POLR2M: variants seen among roughly 807,000 people sequenced by gnomAD.
POLR2M encodes the protein RNA polymerase II subunit M.
POLR2M carries 30 observed loss-of-function variants against 34.6 expected under a neutral mutation model. The ratio of observed to expected loss-of-function variants is 0.87; its 90% CI spans 0.65 to 1.18. POLR2M has a LOEUF of 1.18. Ranked by LOEUF, POLR2M falls within the 50% of genes most tolerant of loss-of-function variation. The probability of loss-of-function intolerance (pLI) is 0.00; values close to 1 mark genes in which losing one functional copy is unlikely to be tolerated. For synonymous variants in POLR2M, 150 were observed against 166.7 expected, an observed-to-expected ratio of 0.90 and a Z score of 0.77; for missense variants, 432 against 448.7, an observed-to-expected ratio of 0.96 and a Z score of 0.34.
chr15:57,711,865 C>A, intron 2 of POLR2M, 119 bp from the exon 3 acceptor site: 1 of 1,199,654 alleles, frequency 8.3e-7, no homozygotes, highest in Non-Finnish European at 1.2e-6. Flanking sequence ...TGGTAAATTA[C>A]TTACTGTTAC....
chr15:57,714,520 G>C lies in POLR2M; in HGVS notation c.964-16G>C, dbSNP rs866846327. The C allele has an allele frequency of 6.2e-7, 1 of 1,612,080 alleles. No homozygotes were observed. Among genetic ancestry groups the C allele is most frequent in the African/African-American group, 1.3e-5 (1 of 74,664 alleles). On this transcript the variant is annotated splice_polypyrimidine_tract_variant and intron_variant, in intron 3 of 3. Coordinates refer to ENST00000299638, the MANE Select transcript of POLR2M (RefSeq NM_015532.5). Reference sequence around the variant, plus strand: ...ATGTGAACGTGTAACTTTGTGCTTTGCTCTTTGTTTTAAAGGAGATGCAAG... The same window carrying C: ...ATGTGAACGTGTAACTTTGTGCTTTCCTCTTTGTTTTAAAGGAGATGCAAG...
At position 57,715,922 on chromosome 15, in the gene POLR2M, C is replaced by A. The variant is rs1328780038; in HGVS notation, c.*1243C>A. The A allele has an allele frequency of 6.6e-6, 1 of 152,272 alleles. No homozygotes were observed. Among genetic ancestry groups the A allele is most frequent in the African/African-American group, 2.4e-5 (1 of 41,470 alleles). The allele number at this position is 152,272 out of a possible 1,614,324, so 9.4% of individuals were successfully genotyped here. ...ATTATTGCTTTCATTCCTTACCCCC[C>A]TCAAGCAAATGTGAAAAGTATACTG... On this transcript the variant is annotated 3_prime_UTR_variant, in exon 4 of 4. Coordinates refer to ENST00000299638, the MANE Select transcript of POLR2M (RefSeq NM_015532.5).
Position 57,714,630 on chromosome 15 carries a change from A to G in POLR2M, c.1058A>G (p.Tyr353Cys), listed in dbSNP as rs1462703569. 6.2e-7 allele frequency: 1 copy of G among 1,612,730 alleles called. No individual in the cohort carries two copies. The highest frequency in any genetic ancestry group is 8.5e-7 in the Non-Finnish European group (1 of 1,179,826). The change falls in exon 4 of 4, where the codon TAC (tyrosine) becomes TGC (cysteine). Residue 353 changes from tyrosine to cysteine, a missense_variant. Tyr to Cys is a radical substitution (Grantham distance 194). Coordinates refer to ENST00000299638, the MANE Select transcript of POLR2M (RefSeq NM_015532.5). The stretch of plus-strand genomic sequence containing the variant: ...CCAGAAGGGGAGTCTTCAGGGAGAT[A>G]CCGAGAAGTAAGGGATGAAGATGAC... Reference protein sequence around the residue: ...YNPEGESSGRYREVRDEDDDW... With the variant: ...YNPEGESSGRCREVRDEDDDW...
chr15:57,708,794 G>A lies in POLR2M; in HGVS notation c.194G>A (p.Cys65Tyr). 1 of 1,613,352 alleles carries A rather than the reference G, an allele frequency of 6.2e-7. No homozygotes were observed. The highest frequency in any genetic ancestry group is 8.5e-7 in the Non-Finnish European group (1 of 1,179,710). Residue 65 changes from cysteine (C) to tyrosine (Y), a missense_variant, in exon 2 of 4, where the codon TGT (cysteine) becomes TAT (tyrosine). Transcript: ENST00000299638. The stretch of plus-strand genomic sequence containing the variant: ...AAACTGAAAGCTGCCATTGCAGAAT[G>A]TGAAGAAGTTAGAAGAAAAAGTGAA... ...FAKLKAAIAE[C>Y]EEVRRKSELF...
At chr15:57,712,803 T>A (rs1449683526) in intron 3 of POLR2M, among the ~76,000 whole-genome samples, 9 of 152,114 alleles carry the variant, frequency 5.9e-5, no homozygotes, top group African/African-American at 2.2e-4. Flanking sequence ...ATGTTGAGAG[T>A]TTGTATACAG....
At chr15:57,713,461 A>G (rs529208992) in intron 3 of POLR2M, among the ~76,000 whole-genome samples, 40 of 152,222 alleles carry the variant, frequency 2.6e-4, no homozygotes, top group Admixed American at 5.9e-4. Context: ...TTGTAGTGGT[A>G]ATAGCTCCCA....
chr15:57,711,328 C>G (rs1450778620), intron 2 of POLR2M, among the ~76,000 whole-genome samples: 2 of 152,234 alleles, frequency 1.3e-5, no homozygotes, highest in Admixed American at 1.3e-4. Flanking sequence ...ACCAGTCTAT[C>G]TCCACTGCTG....
In POLR2M at chr15:57,716,893, T is replaced by C. The variant is rs1188708243; in HGVS notation, c.*2214T>C. The C allele has an allele frequency of 8.5e-5, 13 of 152,214 alleles. No homozygotes were observed. Among genetic ancestry groups the C allele is most frequent in the Admixed American group, 6.5e-5 (1 of 15,274 alleles). 9.4% of individuals were successfully genotyped at this position (152,214 alleles called of 1,614,324 possible). On this transcript the variant is annotated 3_prime_UTR_variant, in exon 4 of 4. Coordinates refer to ENST00000299638, the MANE Select transcript of POLR2M (RefSeq NM_015532.5). ...TTTGTAATCCAAGAATGGATAAATG[T>C]CCTTATTTTCTTCTAGTATTTTCTT...
Position 57,715,714 on chromosome 15 carries a change from C to T in POLR2M, c.*1035C>T, listed in dbSNP as rs531743087. 1.9e-3 allele frequency: 292 copies of T among 152,166 alleles called. No homozygotes were observed. The highest frequency in any genetic ancestry group is 6.6e-3 in the African/African-American group (273 of 41,506). 9.4% of individuals were successfully genotyped at this position (152,166 alleles called of 1,614,324 possible). On this transcript the variant is annotated 3_prime_UTR_variant, in exon 4 of 4. Transcript: ENST00000299638. ...ATTTTAGAGGATTATATGGTTGTCT[C>T]CAGAGAAATTAACTTACATTATCAA...
chr15:57,713,353 A>C (rs2040815369), intron 3 of POLR2M, among the ~76,000 whole-genome samples: 1 of 152,192 alleles, frequency 6.6e-6, no homozygotes, highest in South Asian at 2.1e-4. Context: ...GCATTGAGGA[A>C]GTGTTTACTG....
Position 57,708,877 on chromosome 15 carries a change from G to T in POLR2M, c.277G>T (p.Asp93Tyr), listed in dbSNP as rs1392944931. 6.2e-7 allele frequency: 1 copy of T among 1,614,062 alleles called. No individual in the cohort carries two copies. Among genetic ancestry groups the T allele is most frequent in the Non-Finnish European group, 8.5e-7 (1 of 1,179,908 alleles). Reference protein sequence around the residue: ...KLRQKAIAEVDVGTDKAQNSD... With the variant: ...KLRQKAIAEVYVGTDKAQNSD... ...AAGGCAAAAAGCAATTGCAGAAGTT[G>T]ATGTGGGTACAGATAAGGCCCAGAA... is the stretch of plus-strand genomic sequence containing the variant. Residue 93 changes from aspartate (D) to tyrosine (Y), a missense_variant, in exon 2 of 4, where the codon GAT (aspartate) becomes TAT (tyrosine). Physicochemically the swap from Asp to Tyr is radical, Grantham distance 160. Coordinates refer to ENST00000299638, the MANE Select transcript of POLR2M (RefSeq NM_015532.5).
At position 57,706,786 on chromosome 15, in the gene POLR2M, C is replaced by A; in HGVS notation, c.-57C>A. ...CCGTCCGCGGATCCGGCGCTAGTAG[C>A]GGGGCCTGCCGAGGAAGCCGAGTGC... On this transcript the variant is annotated 5_prime_UTR_variant, in exon 1 of 4. Transcript: ENST00000299638. The A allele has an allele frequency of 2.0e-6, 3 of 1,529,316 alleles. No individual in the cohort carries two copies. Among genetic ancestry groups the A allele is most frequent in the South Asian group, 1.2e-5 (1 of 82,680 alleles). 94.7% of individuals were successfully genotyped at this position (1,529,316 alleles called of 1,614,324 possible). A position where few individuals can be genotyped will look rare whatever the true frequency, so the allele number is the denominator to read the frequency against.
chr15:57,708,865 A>G lies in POLR2M; in HGVS notation c.265A>G (p.Ile89Val), dbSNP rs781559349. ...AGACTGTAAGCTAAGGCAAAAAGCA[A>G]TTGCAGAAGTTGATGTGGGTACAGA... is the stretch of plus-strand genomic sequence containing the variant. ...SLDCKLRQKA[I>V]AEVDVGTDKA... Residue 89 changes from isoleucine to valine, a missense_variant, in exon 2 of 4, where the codon ATT (isoleucine) becomes GTT (valine). Ile to Val is a conservative substitution (Grantham distance 29, BLOSUM62 3). Transcript: ENST00000299638. 6.2e-6 allele frequency: 10 copies of G among 1,613,924 alleles called. No individual in the cohort carries two copies. Among genetic ancestry groups the G allele is most frequent in the Admixed American group, 1.7e-5 (1 of 59,998 alleles).
intron 2 of POLR2M, among the ~76,000 whole-genome samples, chr15:57,711,319 C>T (rs72745586): frequency 0.041 from 6,189 of 152,296 alleles, 178 homozygotes; most frequent in Middle Eastern, 0.088. Flanking sequence ...GTCTTAACTA[C>T]CAGTCTATCT....
At chr15:57,708,049 C>G (rs568474570) in intron 1 of POLR2M, among the ~76,000 whole-genome samples, 7 of 152,292 alleles carry the variant, frequency 4.6e-5, no homozygotes, top group Admixed American at 4.6e-4. Flanking sequence ...TGTGTTTTGA[C>G]CTTGTGAGAA....
At chr15:57,710,125 T>G (rs1595984086) in intron 2 of POLR2M, among the ~76,000 whole-genome samples, 1 of 152,182 alleles carries the variant, frequency 6.6e-6, no homozygotes, top group African/African-American at 2.4e-5. Flanking sequence ...TTTACACACT[T>G]GGAAAAGAGT....
In POLR2M at chr15:57,714,614, G is replaced by T. The variant is rs1158189295; in HGVS notation, c.1042G>T (p.Glu348Ter). 1.2e-6 allele frequency: 2 copies of T among 1,613,130 alleles called. No individual in the cohort carries two copies. Among genetic ancestry groups the T allele is most frequent in the South Asian group, 2.2e-5 (2 of 91,028 alleles). Residue 348 changes from glutamate (E) to a stop codon, truncating the protein, a stop_gained, in exon 4 of 4, where the codon GAG becomes TAG. Transcript: ENST00000299638. LOFTEE classifies it high-confidence loss of function. ...IKMRSYNPEG[E>*]SSGRYREVRD... ...AATGCGGAGTTATAATCCAGAAGGG[G>T]AGTCTTCAGGGAGATACCGAGAAGT... is the stretch of plus-strand genomic sequence containing the variant.
chr15:57,707,585 A>G, intron 1 of POLR2M: 1 of 456,662 alleles, frequency 2.2e-6, no homozygotes, highest in South Asian at 1.6e-5. Flanking sequence ...GTGAGCTAGG[A>G]AGGGATTGGG....
At chr15:57,710,415 A>C (rs2040662769) in intron 2 of POLR2M, among the ~76,000 whole-genome samples, 1 of 152,262 alleles carries the variant, frequency 6.6e-6, no homozygotes, top group Non-Finnish European at 1.5e-5. Context: ...TTTCTTTGAA[A>C]AACAGAAAAC....
Sources: allele counts gnomAD v4.1 joint callset (sites outside exome capture counted in the v4.1 genomes callset), GRCh38; gene constraint gnomAD v4.1.1; transcripts MANE v1.5; gene names NCBI Gene and HGNC (gene_info 2026-07-23, HGNC 2026-07-21).